The following TENM3 variants were observed in gnomAD, a reference collection of about 807,000 sequenced individuals.
TENM3 encodes teneurin transmembrane protein 3.
TENM3 carries 63 observed loss-of-function variants against 255.1 expected under a neutral mutation model. The ratio of observed to expected loss-of-function variants is 0.25; its 90% confidence interval spans 0.20 to 0.30. TENM3 has a LOEUF of 0.30. Ranked by LOEUF, TENM3 falls within the 10% of genes least tolerant of loss-of-function variation. The pLI, the probability that TENM3 is intolerant of heterozygous loss-of-function variation, is 1.00. For missense variants in TENM3, 2,929 were observed against 3,461.1 expected, an observed-to-expected ratio of 0.85 and a Z score of 3.86; for synonymous variants, 1,306 against 1,322.3, an observed-to-expected ratio of 0.99 and a Z score of 0.27.
chr4:182,797,713 G>A (rs1380959007), intron 27 of TENM3, among the ~76,000 whole-genome samples: 1 of 152,156 alleles, frequency 6.6e-6, no homozygotes, highest in African/African-American at 2.4e-5. Flanking sequence ...CCAGCTTACA[G>A]TAAGAATAAT....
At chr4:181,879,012 G>A in the TENM3 span, among the ~76,000 whole-genome samples, 1 of 152,134 alleles carries the variant, frequency 6.6e-6, no homozygotes, top group Admixed American at 6.6e-5. Flanking sequence ...CACAGTTACA[G>A]ATCAACTCCT....
chr4:181,586,794 C>A, the TENM3 span, among the ~76,000 whole-genome samples: 5 of 152,124 alleles, frequency 3.3e-5, no homozygotes, highest in East Asian at 9.7e-4. Flanking sequence ...GAGCTGAGAT[C>A]GCACCACTGC....
intron 2 of TENM3, among the ~76,000 whole-genome samples, chr4:182,332,202 A>G (rs534562748): frequency 6.6e-6 from 1 of 152,278 alleles, no homozygotes; most frequent in East Asian, 1.9e-4. Context: ...GAAATAAATA[A>G]CAAAAAGATA....
At chr4:182,030,237 C>T in the TENM3 span, among the ~76,000 whole-genome samples, 2 of 151,932 alleles carry the variant, frequency 1.3e-5, no homozygotes, top group Admixed American at 6.6e-5. Context: ...TCTCCCCCCA[C>T]CCCACCCCAT....
intron 3 of TENM3, among the ~76,000 whole-genome samples, chr4:182,516,051 A>G (rs986749732): frequency 1.3e-5 from 2 of 152,198 alleles, no homozygotes; most frequent in Admixed American, 6.5e-5. Context: ...ACATGATGCT[A>G]TTTTATCACA....
chr4:181,591,625 C>T, the TENM3 span, among the ~76,000 whole-genome samples: 3 of 152,324 alleles, frequency 2.0e-5, no homozygotes, highest in Non-Finnish European at 2.9e-5. Context: ...AGCAGTTGAG[C>T]GCACATCACT....
chr4:182,261,935 A>G, intron 1 of TENM3, among the ~76,000 whole-genome samples: 1 of 152,120 alleles, frequency 6.6e-6, no homozygotes, highest in Non-Finnish European at 1.5e-5. Flanking sequence ...GAAAACATCC[A>G]CAGTTGATTT....
chr4:182,194,120 CA>C (rs1359745777), intron 1 of TENM3, among the ~76,000 whole-genome samples: 1 of 152,094 alleles, frequency 6.6e-6, no homozygotes, highest in Non-Finnish European at 1.5e-5. Flanking sequence ...TGATAATAAA[CA>C]AACAAATTCT....
chr4:182,535,914 A>T (rs957567712), intron 3 of TENM3, among the ~76,000 whole-genome samples: 1 of 152,148 alleles, frequency 6.6e-6, no homozygotes, highest in Non-Finnish European at 1.5e-5. Context: ...TTACTGGCAC[A>T]CAATAACCTC....
intron 1 of TENM3, among the ~76,000 whole-genome samples, chr4:182,160,377 G>A (rs72693861): frequency 0.13 from 20,108 of 152,076 alleles, 1,540 homozygotes; most frequent in East Asian, 0.37. Context: ...GACCTAACGA[G>A]AATATTCTAT....
chr4:182,055,679 CCATCTTGTAGGATTA>C, the TENM3 span, among the ~76,000 whole-genome samples: 3 of 152,190 alleles, frequency 2.0e-5, no homozygotes, highest in African/African-American at 7.2e-5. Context: ...GGACACTGGG[CCATCTTGTAGGATTA>C]AAAAGTGATC....
chr4:181,832,626 G>C, the TENM3 span, among the ~76,000 whole-genome samples: 1 of 152,148 alleles, frequency 6.6e-6, no homozygotes, highest in Non-Finnish European at 1.5e-5. Context: ...TAAGAGACTT[G>C]CTTCAGCTAT....
At chr4:181,494,441 C>T in the TENM3 span, among the ~76,000 whole-genome samples, 4 of 152,056 alleles carry the variant, frequency 2.6e-5, no homozygotes, top group East Asian at 3.9e-4. Flanking sequence ...TCCGCCACCA[C>T]GCCCAGCTAA....
chr4:182,325,892 G>A (rs1763365784), intron 2 of TENM3, among the ~76,000 whole-genome samples: 2 of 152,304 alleles, frequency 1.3e-5, no homozygotes, highest in South Asian at 2.1e-4. Flanking sequence ...TGGCAGCACA[G>A]ACGATGCCTA....
Position 182,272,519 on chromosome 4 carries a change from C to T in TENM3, c.-76+29043C>T, listed in dbSNP as rs564531502. Among the ~76,000 whole-genome samples, 17 of 152,276 alleles carry T rather than the reference C, an allele frequency of 1.1e-4. No homozygotes were observed. In the South Asian group the frequency reaches 1.5e-3, roughly 13 times the overall value. ...GAGAACAAGGGCAGAAACAGAACTA[C>T]GACACATACATAAGAACTCACAAAC... On this transcript the variant is annotated intron_variant, in intron 1 of 27. Coordinates refer to ENST00000511685, the MANE Select transcript of TENM3 (RefSeq NM_001080477.4).
rs542017305 is a variant in TENM3, at chr4:182,665,670, C to T, written c.1112-7335C>T. Reference sequence around the variant, plus strand: ...CAGCACATTGGGAGGCTGAGGCGGGCGGATCACGAGGTCAGGAGATCGAGA... The same window carrying T: ...CAGCACATTGGGAGGCTGAGGCGGGTGGATCACGAGGTCAGGAGATCGAGA... On this transcript the variant is annotated intron_variant, in intron 6 of 27. Transcript: ENST00000511685. Among the ~76,000 whole-genome samples, 569 of 152,046 alleles carry T rather than the reference C, an allele frequency of 3.7e-3. 4 individuals are homozygous for T. Among genetic ancestry groups the T allele is most frequent in the African/African-American group, 0.013 (538 of 41,472 alleles).
chr4:181,957,988 A>C, the TENM3 span, among the ~76,000 whole-genome samples: 1 of 152,198 alleles, frequency 6.6e-6, no homozygotes, highest in South Asian at 2.1e-4. Flanking sequence ...ATCTCCTGAT[A>C]ATTTTTCCTA....
chr4:182,260,494 T>A (rs1044941256), intron 1 of TENM3, among the ~76,000 whole-genome samples: 1 of 152,226 alleles, frequency 6.6e-6, no homozygotes, highest in South Asian at 2.1e-4. Flanking sequence ...AATAACCTAC[T>A]GTAGTAAATT....
At chr4:181,820,535 C>G in the TENM3 span, among the ~76,000 whole-genome samples, 1 of 151,384 alleles carries the variant, frequency 6.6e-6, no homozygotes, top group African/African-American at 2.4e-5. Context: ...GATAAAAAGC[C>G]TTCACCCCTC....
Sources: gnomAD v4.1 joint callset for allele counts (sites outside exome capture counted in the v4.1 genomes callset) on GRCh38, gnomAD v4.1.1 for gene constraint, MANE v1.5 for transcripts, NCBI Gene and HGNC (gene_info 2026-07-23, HGNC 2026-07-21) for gene names.